Variants in TOX3 observed in about 807,000 individuals in gnomAD.
TOX3 encodes TOX high mobility group box family member 3, also known as CAG trinucleotide repeat-containing gene F9 protein.
Under a neutral mutation model 64.3 loss-of-function variants are expected in TOX3, and 22 were observed. The observed-to-expected ratio is 0.34, with a 90% CI of 0.24 to 0.49. The LOEUF (loss-of-function observed/expected upper bound fraction) is 0.49, where lower values mean the gene tolerates loss of function less well. Among genes scored for constraint, TOX3 ranks in the 20% least tolerant of loss-of-function variants. The probability of loss-of-function intolerance (pLI) is 0.99; values close to 1 mark genes in which losing one functional copy is unlikely to be tolerated. For missense variants in TOX3, 661 were observed against 714.4 expected (o/e 0.93, Z 0.85); for synonymous variants, 291 against 273.6 (o/e 1.06, Z -0.63).
At chr16:52,498,923 T>C (rs1293816036) in intron 1 of TOX3, among the ~76,000 whole-genome samples, 1 of 152,208 alleles carries the variant, frequency 6.6e-6, no homozygotes, top group African/African-American at 2.4e-5. Flanking sequence ...ATTTCCTTCC[T>C]CAATCACAGT....
At chr16:52,463,101 GT>G (rs1246457235) in intron 3 of TOX3, among the ~76,000 whole-genome samples, 4 of 152,096 alleles carry the variant, frequency 2.6e-5, no homozygotes, top group African/African-American at 9.7e-5. Context: ...AAGAGGATTT[GT>G]TTTTTGTTAT....
intron 1 of TOX3, among the ~76,000 whole-genome samples, chr16:52,500,380 T>C (rs1360091536): frequency 6.6e-6 from 1 of 152,192 alleles, no homozygotes; most frequent in Non-Finnish European, 1.5e-5. Context: ...ACCTTGTTAA[T>C]TGAGGACTAT....
intron 1 of TOX3, among the ~76,000 whole-genome samples, chr16:52,503,090 G>T (rs2151465832): frequency 6.6e-6 from 1 of 152,302 alleles, no homozygotes; most frequent in East Asian, 1.9e-4. Flanking sequence ...GTGGTAATTT[G>T]CTGAAACTTG....
chr16:52,529,030 A>T (rs966529864), intron 1 of TOX3, among the ~76,000 whole-genome samples: 1 of 152,220 alleles, frequency 6.6e-6, no homozygotes, highest in African/African-American at 2.4e-5. Flanking sequence ...CACCAGTCCA[A>T]TGGATCCCCA....
At chr16:52,512,439 T>C (rs533463746) in intron 1 of TOX3, among the ~76,000 whole-genome samples, 1 of 152,330 alleles carries the variant, frequency 6.6e-6, no homozygotes, top group East Asian at 1.9e-4. Flanking sequence ...TTCTATTTAC[T>C]CAGAGCATAG....
At position 52,438,076 on chromosome 16, in the gene TOX3, G is replaced by T. The variant is rs80129475; in HGVS notation, c.*1149C>A. Reference sequence around the variant, plus strand: ...TTGTTGCATCAAAATACAGTCCACAGTTTTTACTGAAATGTGTTTATTCTA... The same window carrying T: ...TTGTTGCATCAAAATACAGTCCACATTTTTTACTGAAATGTGTTTATTCTA... On this transcript the variant is annotated 3_prime_UTR_variant, in exon 7 of 7. Coordinates refer to ENST00000219746, the MANE Select transcript of TOX3 (RefSeq NM_001080430.4). 6.6e-6 allele frequency: 1 copy of T among 152,556 alleles called. No individual in the cohort carries two copies. Among genetic ancestry groups the T allele is most frequent in the Non-Finnish European group, 1.5e-5 (1 of 68,012 alleles). 9.5% of individuals were successfully genotyped at this position (152,556 alleles called of 1,614,324 possible).
chr16:52,465,025 T>C (rs1450536185), intron 2 of TOX3, among the ~76,000 whole-genome samples: 1 of 134,188 alleles, frequency 7.5e-6, no homozygotes, highest in African/African-American at 2.8e-5. Context: ...TTTTTTTTTT[T>C]TTTTTTTGAG....
intron 1 of TOX3, among the ~76,000 whole-genome samples, chr16:52,478,005 A>G (rs888384441): frequency 6.6e-6 from 1 of 152,136 alleles, no homozygotes; most frequent in Non-Finnish European, 1.5e-5. Context: ...GCCAGGCTTA[A>G]AGCCACCTTT....
chr16:52,519,465 G>A lies in TOX3; in HGVS notation c.87+27172C>T, dbSNP rs917346117. The A allele has an allele frequency of 1.5e-5, 23 of 1,551,350 alleles. No homozygotes were observed. In the Admixed American group the frequency reaches 3.3e-4, roughly 22 times the overall value. ...TCCTCAATGCGCCTGGCTCCCGAGC[G>A]AGGTTGGCACTTCATCCTCCACTAC... On this transcript the variant is annotated intron_variant, in intron 1 of 6. Coordinates refer to ENST00000219746, the MANE Select transcript of TOX3 (RefSeq NM_001080430.4).
At chr16:52,497,865 C>T (rs539065880) in intron 1 of TOX3, among the ~76,000 whole-genome samples, 9 of 151,770 alleles carry the variant, frequency 5.9e-5, no homozygotes, top group East Asian at 1.9e-4. Context: ...ATTTTTCACC[C>T]GCAAAGATAT....
intron 1 of TOX3, among the ~76,000 whole-genome samples, chr16:52,484,105 C>A (rs890709232): frequency 7.2e-5 from 11 of 152,052 alleles, no homozygotes; most frequent in Non-Finnish European, 1.5e-4. Context: ...ATTTTTGACC[C>A]TAAACAAAAT....
Position 52,450,479 on chromosome 16 carries a change from T to C in TOX3, c.476A>G (p.His159Arg). Reference sequence around the variant, plus strand: ...CCCAGAACGCGCAGCATCGGTCATGTGGACGATGGACCGCATGATCAGGGA... The same window carrying C: ...CCCAGAACGCGCAGCATCGGTCATGCGGACGATGGACCGCATGATCAGGGA... ...DPSLIMRSIV[H>R]MTDAARSGVM... The change falls in exon 4 of 7, where the codon CAC becomes CGC. Residue 159 changes from histidine to arginine, a missense_variant. His to Arg is a conservative substitution (Grantham distance 29). This residue lies in a region of TOX3 where 259 missense variants were observed against 261.2 expected (regional missense o/e 0.99). Transcript: ENST00000219746. The C allele has an allele frequency of 6.2e-7, 1 of 1,614,014 alleles. No individual in the cohort carries two copies. The highest frequency in any genetic ancestry group is 8.5e-7 in the Non-Finnish European group (1 of 1,179,888).
intron 6 of TOX3, among the ~76,000 whole-genome samples, chr16:52,443,390 G>A (rs535335860): frequency 2.0e-5 from 3 of 152,288 alleles, no homozygotes; most frequent in East Asian, 3.9e-4. Context: ...CTGATTCTGA[G>A]CAGCTGCAAA....
intron 1 of TOX3, among the ~76,000 whole-genome samples, chr16:52,544,443 C>T (rs1963133355): frequency 6.6e-6 from 1 of 152,162 alleles, no homozygotes; most frequent in Admixed American, 6.5e-5. Flanking sequence ...TATATTTTTA[C>T]TTGCAAGGAA....
At position 52,439,982 on chromosome 16, in the gene TOX3, G is replaced by T. The variant is rs1959909726; in HGVS notation, c.988-14C>A. 6.6e-7 allele frequency: 1 copy of T among 1,524,128 alleles called. No individual in the cohort carries two copies. Among genetic ancestry groups the T allele is most frequent in the Non-Finnish European group, 8.8e-7 (1 of 1,137,122 alleles). The allele number at this position is 1,524,128 out of a possible 1,614,324, so 94.4% of individuals were successfully genotyped here. ...CTCAGCAGCAGCCTGCATTTTGGGG[G>T]AGAAAATTCCAGACTGTTACAACAC... On this transcript the variant is annotated splice_polypyrimidine_tract_variant and intron_variant, in intron 6 of 6. Transcript: ENST00000219746.
chr16:52,485,246 G>GTGTGTATATATATA (rs1555484130), intron 1 of TOX3, among the ~76,000 whole-genome samples: 5 of 127,890 alleles, frequency 3.9e-5, no homozygotes, highest in African/African-American at 1.7e-4. Flanking sequence ...ATGTGTGTGT[G>GTGTGTATATATATA]TATATATATA....
Position 52,463,987 on chromosome 16 carries a change from A to C in TOX3, c.355T>G (p.Ser119Ala), listed in dbSNP as rs1298640639. Residue 119 changes from serine (S) to alanine (A), a missense_variant, in exon 3 of 7, where the codon TCA (serine) becomes GCA (alanine). Physicochemically the swap from Ser to Ala is moderately conservative, Grantham distance 99. This residue lies in a region of TOX3 where 259 missense variants were observed against 261.2 expected (regional missense o/e 0.99). Coordinates refer to ENST00000219746, the MANE Select transcript of TOX3 (RefSeq NM_001080430.4). ...CCATCTTGTTCCACGAGATTTCTTG[A>C]GATTGTAATGGAAGGGAGGTCCAGG... Reference protein sequence around the residue: ...QSLDLPSITISRNLVEQDGVL... With the variant: ...QSLDLPSITIARNLVEQDGVL... The C allele has an allele frequency of 2.5e-6, 4 of 1,594,124 alleles. No individual in the cohort carries two copies. Among genetic ancestry groups the C allele is most frequent in the Non-Finnish European group, 3.4e-6 (4 of 1,169,496 alleles).
chr16:52,500,750 A>G (rs1280509918), intron 1 of TOX3, among the ~76,000 whole-genome samples: 1 of 152,248 alleles, frequency 6.6e-6, no homozygotes, highest in Non-Finnish European at 1.5e-5. Context: ...GAAAGTAGAA[A>G]CTATCATATT....
At chr16:52,541,838 C>T (rs1963082944) in intron 1 of TOX3, among the ~76,000 whole-genome samples, 1 of 152,144 alleles carries the variant, frequency 6.6e-6, no homozygotes, top group South Asian at 2.1e-4. Flanking sequence ...TAGTTAGGAG[C>T]AGCAGGACTG....
Sources: gnomAD v4.1 joint callset for allele counts (sites outside exome capture counted in the v4.1 genomes callset) on GRCh38, gnomAD v4.1.1 for gene constraint, gnomAD v4.1.1 regional missense constraint, MANE v1.5 for transcripts, NCBI Gene and HGNC (gene_info 2026-07-23, HGNC 2026-07-21) for gene names.